The following AP3B1 variants were observed in gnomAD, a reference collection of about 807,000 sequenced individuals.
AP3B1 encodes AP-3 complex subunit beta-1.
A neutral mutation model predicts 132.5 loss-of-function variants in AP3B1; 61 were observed. The ratio of observed to expected loss-of-function variants is 0.46; its 90% confidence interval spans 0.37 to 0.57. The LOEUF is 0.57. Ranked by LOEUF, AP3B1 falls within the 20% of genes least tolerant of loss-of-function variation. AP3B1 has a pLI of 0.00. For missense variants in AP3B1, 1,120 were observed against 1,289.4 expected (o/e 0.87, Z 2.01); for synonymous variants, 388 against 438.3 (o/e 0.89, Z 1.43).
chr5:78,057,889 T>A (rs1430762879), intron 22 of AP3B1, among the ~76,000 whole-genome samples: 1 of 152,210 alleles, frequency 6.6e-6, no homozygotes, highest in Non-Finnish European at 1.5e-5. Context: ...TTATGTGTAA[T>A]CTTGTATCCC....
chr5:78,228,242 G>C lies in AP3B1; in HGVS notation c.280-3C>G, dbSNP rs1202309228. Reference sequence around the variant, plus strand: ...TAAACATATACCAACTTCTTGATCTGTTAAAAAAAAATCATTTATTCATAA... The same window carrying C: ...TAAACATATACCAACTTCTTGATCTCTTAAAAAAAAATCATTTATTCATAA... On this transcript the variant is annotated splice_polypyrimidine_tract_variant and splice_region_variant and intron_variant, in intron 3 of 26. Coordinates refer to ENST00000255194, the MANE Select transcript of AP3B1 (RefSeq NM_003664.5). The C allele has an allele frequency of 6.3e-7, 1 of 1,578,178 alleles. No individual in the cohort carries two copies. The highest frequency in any genetic ancestry group is 8.6e-7 in the Non-Finnish European group (1 of 1,161,462).
At chr5:78,128,865 T>C (rs1580384604) in intron 16 of AP3B1, among the ~76,000 whole-genome samples, 1 of 152,086 alleles carries the variant, frequency 6.6e-6, no homozygotes, top group Non-Finnish European at 1.5e-5. Context: ...TTTCATCTAT[T>C]GCCCAGTTTA....
chr5:78,195,604 G>A (rs550161166), intron 7 of AP3B1, among the ~76,000 whole-genome samples: 145 of 152,132 alleles, frequency 9.5e-4, no homozygotes, highest in Non-Finnish European at 1.9e-3. Context: ...CAGATCACGA[G>A]GTCAGGAATT....
chr5:78,167,115 T>A (rs1743667288), intron 11 of AP3B1, among the ~76,000 whole-genome samples: 2 of 151,658 alleles, frequency 1.3e-5, no homozygotes, highest in Non-Finnish European at 2.9e-5. Context: ...AGGACTAATA[T>A]CCAGAATCTA....
intron 1 of AP3B1, among the ~76,000 whole-genome samples, chr5:78,278,363 G>GGGTCCTCAAC (rs1487935362): frequency 7.1e-5 from 10 of 140,070 alleles, no homozygotes; most frequent in South Asian, 7.0e-4. Flanking sequence ...TCTTTGGGAG[G>GGGTCCTCAAC]CCGAGGCGGG....
chr5:78,277,950 C>T (rs1748854955), intron 1 of AP3B1, among the ~76,000 whole-genome samples: 1 of 152,146 alleles, frequency 6.6e-6, no homozygotes, highest in Non-Finnish European at 1.5e-5. Context: ...TGATCTTTAT[C>T]AATGCCCTCA....
Position 78,183,691 on chromosome 5 carries a change from G to A in AP3B1, c.787-2029C>T, listed in dbSNP as rs191035148. On this transcript the variant is annotated intron_variant, in intron 7 of 26. Coordinates refer to ENST00000255194, the MANE Select transcript of AP3B1 (RefSeq NM_003664.5). Reference sequence around the variant, plus strand: ...TCAAGACCAGCCTGGCCAACATGGCGAAACCCTGTCTCACTAAAAATACAA... The same window carrying A: ...TCAAGACCAGCCTGGCCAACATGGCAAAACCCTGTCTCACTAAAAATACAA... 2.2e-3 allele frequency among the ~76,000 whole-genome samples: 331 copies of A among 151,914 alleles called. 1 individual carries two copies. Among genetic ancestry groups the A allele is most frequent in the African/African-American group, 7.6e-3 (316 of 41,410 alleles).
At chr5:78,255,241 A>G (rs1170858420) in intron 2 of AP3B1, among the ~76,000 whole-genome samples, 7 of 152,170 alleles carry the variant, frequency 4.6e-5, no homozygotes, top group Non-Finnish European at 8.8e-5. Context: ...GTAAGTCCTT[A>G]CTTATCAATA....
At chr5:78,233,926 A>G (rs1043815695) in intron 3 of AP3B1, among the ~76,000 whole-genome samples, 3 of 152,158 alleles carry the variant, frequency 2.0e-5, no homozygotes, top group African/African-American at 7.2e-5. Context: ...AAGAGGAGAC[A>G]ACTCTTCCCC....
At chr5:78,026,360 T>C (rs1272065779) in intron 24 of AP3B1, among the ~76,000 whole-genome samples, 1 of 152,210 alleles carries the variant, frequency 6.6e-6, no homozygotes, top group African/African-American at 2.4e-5. Context: ...GTAACCTCAG[T>C]TCACGGATTC....
At chr5:78,063,481 T>C (rs1383468851) in intron 22 of AP3B1, among the ~76,000 whole-genome samples, 1 of 152,204 alleles carries the variant, frequency 6.6e-6, no homozygotes, top group Non-Finnish European at 1.5e-5. Context: ...GGAACCTCAG[T>C]TTTTGAGGAA....
At chr5:78,094,694 T>G (rs1750698560) in intron 21 of AP3B1, among the ~76,000 whole-genome samples, 1 of 152,118 alleles carries the variant, frequency 6.6e-6, no homozygotes, top group Non-Finnish European at 1.5e-5. Flanking sequence ...CTTTTTTCTT[T>G]TTTTGTAGTG....
At chr5:78,193,770 A>ATATATATATATATTTTTTTTTTT in intron 7 of AP3B1, among the ~76,000 whole-genome samples, 12 of 67,208 alleles carry the variant, frequency 1.8e-4, no homozygotes, top group Admixed American at 3.5e-4. Flanking sequence ...ATATATATAT[A>ATATATATATATATTTTTTTTTTT]TTTTTTTTTT....
intron 11 of AP3B1, among the ~76,000 whole-genome samples, chr5:78,169,867 A>T (rs1257741743): frequency 6.6e-6 from 1 of 151,902 alleles, no homozygotes; most frequent in Non-Finnish European, 1.5e-5. Flanking sequence ...ACAACTCGTC[A>T]TTTACTTTAG....
chr5:78,089,386 A>G lies in AP3B1; in HGVS notation c.2577+7T>C, dbSNP rs1227413430. On this transcript the variant is annotated splice_region_variant and intron_variant, in intron 22 of 26. Transcript: ENST00000255194. ...AACCGAGCTGGTGGATTTTAAAAAT[A>G]ACTTACACTGATGACTGAAGAGGAA... 2.5e-6 allele frequency: 4 copies of G among 1,592,426 alleles called. No individual in the cohort carries two copies. The highest frequency in any genetic ancestry group is 3.4e-6 in the Non-Finnish European group (4 of 1,160,494).
At chr5:78,148,062 G>T (rs563252183) in intron 14 of AP3B1, among the ~76,000 whole-genome samples, 1 of 151,750 alleles carries the variant, frequency 6.6e-6, no homozygotes, top group Non-Finnish European at 1.5e-5. Flanking sequence ...GAGAATGAGC[G>T]AGAAAAAGAA....
At chr5:78,281,857 T>C (rs1418404491) in intron 1 of AP3B1, among the ~76,000 whole-genome samples, 1 of 152,168 alleles carries the variant, frequency 6.6e-6, no homozygotes, top group Non-Finnish European at 1.5e-5. Context: ...TTAATGCCAC[T>C]GAACTGCACA....
chr5:78,207,626 C>G (rs1745563511), intron 7 of AP3B1, among the ~76,000 whole-genome samples: 1 of 151,718 alleles, frequency 6.6e-6, no homozygotes, highest in African/African-American at 2.4e-5. Context: ...AGAAGTGAAC[C>G]TGGAGATCAT....
intron 3 of AP3B1, among the ~76,000 whole-genome samples, chr5:78,236,122 T>G (rs550340012): frequency 2.6e-5 from 4 of 152,198 alleles, no homozygotes; most frequent in Non-Finnish European, 5.9e-5. Context: ...TATATTGACA[T>G]TTTTGTAACA....
Sources: gnomAD v4.1 joint callset for allele counts (sites outside exome capture counted in the v4.1 genomes callset) on GRCh38, gnomAD v4.1.1 for gene constraint, MANE v1.5 for transcripts, NCBI Gene and HGNC (gene_info 2026-07-23, HGNC 2026-07-21) for gene names.